CNBD1: variants seen among roughly 807,000 people sequenced by gnomAD.
The protein encoded by CNBD1 is cyclic nucleotide-binding domain-containing protein 1.
Under a neutral mutation model 54.4 loss-of-function variants are expected in CNBD1, and 71 were observed. That is an observed-to-expected ratio of 1.30 (90% CI 1.08 to 1.59). The LOEUF (loss-of-function observed/expected upper bound fraction) is 1.59. Ranked by LOEUF, CNBD1 falls within the 40% of genes most tolerant of loss-of-function variation. The pLI is 0.00. For synonymous variants in CNBD1, 182 were observed against 170.7 expected (o/e 1.07, Z -0.51); for missense variants, 659 against 518.0 (o/e 1.27, Z -2.64).
intron 4 of CNBD1, among the ~76,000 whole-genome samples, chr8:87,077,342 A>G (rs1037371100): frequency 6.6e-5 from 10 of 150,570 alleles, no homozygotes; most frequent in Non-Finnish European, 1.2e-4. Context: ...ATGAATGGCT[A>G]TCTTCTTGCT....
At chr8:87,164,600 T>G (rs1208328623) in intron 4 of CNBD1, among the ~76,000 whole-genome samples, 1 of 151,792 alleles carries the variant, frequency 6.6e-6, no homozygotes, top group Non-Finnish European at 1.5e-5. Flanking sequence ...ACAGTAGTTT[T>G]TTTATGATCT....
chr8:87,325,350 G>T (rs1160827188), intron 8 of CNBD1, among the ~76,000 whole-genome samples: 1 of 91,414 alleles, frequency 1.1e-5, no homozygotes, highest in African/African-American at 6.7e-5. Flanking sequence ...TCAATTCCTG[G>T]GTATCCTTGT....
intron 8 of CNBD1, among the ~76,000 whole-genome samples, chr8:87,287,295 G>T (rs980993255): frequency 6.6e-6 from 1 of 152,078 alleles, no homozygotes; most frequent in African/African-American, 2.4e-5. Context: ...TTTAACAAGG[G>T]TTGCTAAACC....
intron 3 of CNBD1, among the ~76,000 whole-genome samples, chr8:86,910,488 G>A (rs1201667665): frequency 6.6e-6 from 1 of 152,160 alleles, no homozygotes; most frequent in Non-Finnish European, 1.5e-5. Flanking sequence ...CAAAAGAAAT[G>A]GGGGAGGGGG....
chr8:87,018,319 C>G (rs1277125316), intron 4 of CNBD1, among the ~76,000 whole-genome samples: 1 of 152,112 alleles, frequency 6.6e-6, no homozygotes, highest in African/African-American at 2.4e-5. Flanking sequence ...AATAATCAGG[C>G]AAACATAATA....
intron 4 of CNBD1, among the ~76,000 whole-genome samples, chr8:87,073,928 C>T (rs907748570): frequency 1.3e-5 from 2 of 151,918 alleles, no homozygotes. Flanking sequence ...GATGAAACCC[C>T]GTCTCTACTA....
rs189850296 is a variant in CNBD1, at chr8:86,945,724, C to A, written c.431+5970C>A. Among the ~76,000 whole-genome samples the A allele has an allele frequency of 1.1e-4, 16 of 152,234 alleles. No homozygotes were observed. The East Asian group carries it at 3.1e-3, about 29-fold the overall frequency. On this transcript the variant is annotated intron_variant, in intron 4 of 10. Coordinates refer to ENST00000518476, the MANE Select transcript of CNBD1 (RefSeq NM_173538.3). ...TGGATACTGAAAGTAATTTATATTT[C>A]TGACACAAATGGTGATCATTTATGA...
Position 87,365,104 on chromosome 8 carries a change from G to A in CNBD1, c.1303+11318G>A, listed in dbSNP as rs568676659. ...TAATGGTTGAACCTAATTTACACTC[G>A]CACCAACAGTGTATAAGTGTCCCCT... On this transcript the variant is annotated intron_variant, in intron 10 of 10. Transcript: ENST00000518476. Among the ~76,000 whole-genome samples the A allele has an allele frequency of 1.1e-4, 17 of 151,744 alleles. No individual in the cohort carries two copies. In the South Asian group the frequency reaches 1.7e-3, roughly 15 times the overall value.
intron 6 of CNBD1, among the ~76,000 whole-genome samples, chr8:87,248,970 AC>A (rs1807860853): frequency 6.6e-6 from 1 of 152,140 alleles, no homozygotes; most frequent in African/African-American, 2.4e-5. Flanking sequence ...ATGCAACTAT[AC>A]AATTGAAGTA....
At chr8:87,386,334 G>A (rs1056615994), downstream of CNBD1, among the ~76,000 whole-genome samples, 14 of 151,996 alleles carry the variant, frequency 9.2e-5, no homozygotes, top group African/African-American at 1.9e-4. Context: ...CAGGAAGTTC[G>A]AACCCATGGC....
intron 2 of CNBD1, among the ~76,000 whole-genome samples, chr8:86,898,014 A>G (rs1452181517): frequency 6.6e-6 from 1 of 152,222 alleles, no homozygotes; most frequent in Non-Finnish European, 1.5e-5. Context: ...TATTAATACC[A>G]TGAAATATTA....
intron 4 of CNBD1, among the ~76,000 whole-genome samples, chr8:87,193,497 C>T (rs1813653945): frequency 6.6e-6 from 1 of 152,106 alleles, no homozygotes; most frequent in Admixed American, 6.5e-5. Flanking sequence ...AAATTCACTT[C>T]CAATTAAAAG....
At chr8:87,144,682 A>G (rs950516503) in intron 4 of CNBD1, among the ~76,000 whole-genome samples, 3 of 152,052 alleles carry the variant, frequency 2.0e-5, no homozygotes, top group Non-Finnish European at 4.4e-5. Context: ...TTAGACAGGC[A>G]TGATGGCATG....
intron 4 of CNBD1, among the ~76,000 whole-genome samples, chr8:87,058,674 C>G (rs1279291773): frequency 6.6e-6 from 1 of 152,140 alleles, no homozygotes; most frequent in African/African-American, 2.4e-5. Flanking sequence ...TCCCTTTAAC[C>G]ATGGCTGGAG....
chr8:87,414,563 G>C (rs192088460), intron 2 of CNBD1, among the ~76,000 whole-genome samples: 1 of 151,684 alleles, frequency 6.6e-6, no homozygotes. Context: ...GGATATATGT[G>C]GGTGGAAGGT....
intron 10 of CNBD1, among the ~76,000 whole-genome samples, chr8:87,370,607 A>G (rs1239844829): frequency 6.6e-6 from 1 of 151,728 alleles, no homozygotes; most frequent in African/African-American, 2.4e-5. Context: ...GTTTAAGTTC[A>G]TTGTAGATTC....
chr8:87,329,532 A>C (rs1809770193), intron 8 of CNBD1, among the ~76,000 whole-genome samples: 1 of 152,118 alleles, frequency 6.6e-6, no homozygotes, highest in African/African-American at 2.4e-5. Flanking sequence ...TGCATTCATG[A>C]AATATAATAT....
intron 4 of CNBD1, among the ~76,000 whole-genome samples, chr8:87,016,388 G>T (rs1397727337): frequency 6.7e-6 from 1 of 149,860 alleles, no homozygotes; most frequent in African/African-American, 2.5e-5. Flanking sequence ...TAAATGTAAG[G>T]TTTTTGGTTA....
chr8:87,100,997 G>A (rs1008742228), intron 4 of CNBD1, among the ~76,000 whole-genome samples: 3 of 152,078 alleles, frequency 2.0e-5, no homozygotes, highest in African/African-American at 4.8e-5. Context: ...AAAACAAAAC[G>A]AAAAACTTCA....
Sources: gnomAD v4.1 joint callset for allele counts (sites outside exome capture counted in the v4.1 genomes callset) on GRCh38, gnomAD v4.1.1 for gene constraint, MANE v1.5 for transcripts, NCBI Gene and HGNC (gene_info 2026-07-23, HGNC 2026-07-21) for gene names.